Variants in GMDS observed in about 807,000 individuals in gnomAD.
GMDS encodes GDP-mannose 4,6 dehydratase.
Under a neutral mutation model 49.9 loss-of-function variants are expected in GMDS, and 20 were observed. That is an observed-to-expected ratio of 0.40 (90% CI 0.28 to 0.58). The LOEUF (loss-of-function observed/expected upper bound fraction) is 0.58, where lower values mean the gene tolerates loss of function less well. GMDS is among the 20% of genes least tolerant of loss of function. The probability of loss-of-function intolerance (pLI) is 0.42; values close to 1 mark genes in which losing one functional copy is unlikely to be tolerated. For missense variants in GMDS, 362 were observed against 481.4 expected (o/e 0.75, Z 2.32); for synonymous variants, 177 against 178.6 (o/e 0.99, Z 0.07).
chr6:1,685,017 C>A (rs545215576), intron 9 of GMDS, among the ~76,000 whole-genome samples: 2 of 112,424 alleles, frequency 1.8e-5, no homozygotes, highest in Non-Finnish European at 1.9e-5. Flanking sequence ...CTCTCCCCCC[C>A]CTTTTTTTTT....
intron 9 of GMDS, among the ~76,000 whole-genome samples, chr6:1,654,931 C>T (rs185859837): frequency 4.0e-5 from 6 of 151,770 alleles, no homozygotes; most frequent in East Asian, 1.9e-4. Context: ...CGTGGTGGTG[C>T]GCACTTGTAG....
intron 4 of GMDS, among the ~76,000 whole-genome samples, chr6:2,005,116 T>C (rs1767075729): frequency 1.3e-5 from 2 of 152,192 alleles, no homozygotes; most frequent in African/African-American, 2.4e-5. Flanking sequence ...AAATCTTGTT[T>C]GCACTATTAG....
intron 1 of GMDS, among the ~76,000 whole-genome samples, chr6:2,208,581 C>G (rs1182159035): frequency 6.6e-6 from 1 of 152,140 alleles, no homozygotes; most frequent in African/African-American, 2.4e-5. Flanking sequence ...GATGGAGGCC[C>G]ACATATGTTA....
At chr6:1,663,939 A>G (rs1764163803) in intron 9 of GMDS, among the ~76,000 whole-genome samples, 1 of 152,158 alleles carries the variant, frequency 6.6e-6, no homozygotes, top group South Asian at 2.1e-4. Flanking sequence ...ATTTGTTGGA[A>G]TAAGTCACCT....
chr6:1,835,908 G>A (rs868746263), intron 7 of GMDS, among the ~76,000 whole-genome samples: 31 of 151,200 alleles, frequency 2.1e-4, no homozygotes, highest in Middle Eastern at 6.8e-3. Context: ...TTTTTGAGAC[G>A]GAGTCTCGCT....
intron 9 of GMDS, among the ~76,000 whole-genome samples, chr6:1,644,692 G>C (rs565255430): frequency 6.6e-6 from 1 of 152,180 alleles, no homozygotes; most frequent in East Asian, 1.9e-4. Flanking sequence ...TGGCGAAGAG[G>C]AGGGACTGTG....
chr6:1,962,829 A>G (rs1042783202), intron 4 of GMDS, among the ~76,000 whole-genome samples: 2 of 151,136 alleles, frequency 1.3e-5, no homozygotes. Flanking sequence ...TATGACTTGC[A>G]ATCTTTCCTC....
At chr6:2,154,863 C>CAAAAAAAAAAAAAAAA (rs70992124) in intron 1 of GMDS, among the ~76,000 whole-genome samples, 29 of 65,622 alleles carry the variant, frequency 4.4e-4, no homozygotes, top group Non-Finnish European at 7.1e-4. Context: ...TGAAGAGATG[C>CAAAAAAAAAAAAAAAA]AAAAAAAAAA....
intron 4 of GMDS, among the ~76,000 whole-genome samples, chr6:1,971,632 C>T (rs896663478): frequency 1.3e-5 from 2 of 152,118 alleles, no homozygotes; most frequent in Admixed American, 1.3e-4. Context: ...CCAAACGCAC[C>T]CTGCTCCCAG....
chr6:2,229,575 CA>C (rs976516700), intron 1 of GMDS, among the ~76,000 whole-genome samples: 1 of 150,782 alleles, frequency 6.6e-6, no homozygotes, highest in African/African-American at 2.4e-5. Flanking sequence ...AAGAGCAAGA[CA>C]AAAAAAAAGT....
chr6:1,827,152 TGC>T (rs1771157727), intron 7 of GMDS, among the ~76,000 whole-genome samples: 1 of 139,296 alleles, frequency 7.2e-6, no homozygotes, highest in African/African-American at 2.8e-5. Flanking sequence ...TATATATATA[TGC>T]ACACACACAC....
At chr6:1,947,263 T>C (rs1286159316) in intron 6 of GMDS, among the ~76,000 whole-genome samples, 1 of 152,188 alleles carries the variant, frequency 6.6e-6, no homozygotes, top group Non-Finnish European at 1.5e-5. Flanking sequence ...GGTACTAAGG[T>C]TCTCACCAAC....
At chr6:1,927,137 G>A (rs867683416) in intron 7 of GMDS, among the ~76,000 whole-genome samples, 3 of 148,782 alleles carry the variant, frequency 2.0e-5, no homozygotes, top group Admixed American at 6.7e-5. Flanking sequence ...AGAGGGTAGC[G>A]TGTTGATGTA....
intron 1 of GMDS, among the ~76,000 whole-genome samples, chr6:2,179,288 A>G (rs1286231003): frequency 6.6e-6 from 1 of 152,210 alleles, no homozygotes; most frequent in East Asian, 1.9e-4. Context: ...CAGAGAAGAC[A>G]AAAAGGTTAT....
At position 2,071,143 on chromosome 6, in the gene GMDS, C is replaced by T. The variant is rs147577301; in HGVS notation, c.345+44628G>A. ...GAACATGAGTTGCCACCAAGCATTC[C>T]CTACTGAACCCACATCCCAGATGTT... On this transcript the variant is annotated intron_variant, in intron 4 of 10. Coordinates refer to ENST00000380815, the MANE Select transcript of GMDS (RefSeq NM_001500.4). 7.2e-3 allele frequency among the ~76,000 whole-genome samples: 1,092 copies of T among 152,262 alleles called. 7 individuals are homozygous for T. The highest frequency in any genetic ancestry group is 0.011 in the Non-Finnish European group (778 of 68,018).
intron 4 of GMDS, among the ~76,000 whole-genome samples, chr6:2,084,958 C>A (rs1161949143): frequency 6.6e-6 from 1 of 152,188 alleles, no homozygotes; most frequent in Non-Finnish European, 1.5e-5. Flanking sequence ...CATAAAACCA[C>A]AACCAAATTC....
chr6:2,018,901 G>T (rs985873781), intron 4 of GMDS, among the ~76,000 whole-genome samples: 1 of 151,990 alleles, frequency 6.6e-6, no homozygotes, highest in Non-Finnish European at 1.5e-5. Flanking sequence ...AACCTTTCAA[G>T]GAACTGCCCA....
At chr6:2,019,121 T>C (rs753181213) in intron 4 of GMDS, among the ~76,000 whole-genome samples, 3 of 151,368 alleles carry the variant, frequency 2.0e-5, no homozygotes, top group South Asian at 2.1e-4. Context: ...TGAGAGTGTA[T>C]AGAAATACAA....
Position 2,070,308 on chromosome 6 carries a change from A to G in GMDS, c.345+45463T>C, listed in dbSNP as rs550598861. Among the ~76,000 whole-genome samples, 21 of 149,964 alleles carry G rather than the reference A, an allele frequency of 1.4e-4. 1 individual carries two copies. The South Asian group carries it at 4.5e-3, about 32-fold the overall frequency. On this transcript the variant is annotated intron_variant, in intron 4 of 10. Transcript: ENST00000380815. ...GGGGAGGGATAGCATTGGGAGATATACCTAATGCTAGATGACGAGTTAGTG... is the reference window on the plus strand; with the variant it reads ...GGGGAGGGATAGCATTGGGAGATATGCCTAATGCTAGATGACGAGTTAGTG...
Sources: gnomAD v4.1 joint callset for allele counts (sites outside exome capture counted in the v4.1 genomes callset) on GRCh38, gnomAD v4.1.1 for gene constraint, MANE v1.5 for transcripts, NCBI Gene and HGNC (gene_info 2026-07-23, HGNC 2026-07-21) for gene names.